CUX1: variants seen among roughly 807,000 people sequenced by gnomAD.
CUX1 encodes the protein protein CASP.
A neutral mutation model predicts 158.8 loss-of-function variants in CUX1; 31 were observed. The observed-to-expected ratio is 0.20, with a 90% CI of 0.15 to 0.26. CUX1 has a LOEUF of 0.26. CUX1 is among the 10% of genes least tolerant of loss of function. The pLI is 1.00. For synonymous variants in CUX1, 879 were observed against 862.1 expected, an observed-to-expected ratio of 1.02 and a Z score of -0.34; for missense variants, 1,589 against 2,014.6, an observed-to-expected ratio of 0.79 and a Z score of 4.04.
chr7:101,863,352 T>TC (rs1797653032), intron 1 of CUX1, among the ~76,000 whole-genome samples: 1 of 150,500 alleles, frequency 6.6e-6, no homozygotes, highest in East Asian at 1.9e-4. Flanking sequence ...TTTTTTTTTT[T>TC]TTCTTCTTTT....
intron 3 of CUX1, among the ~76,000 whole-genome samples, chr7:102,069,244 C>T (rs568330221): frequency 1.1e-3 from 166 of 152,320 alleles, no homozygotes; most frequent in African/African-American, 3.9e-3. Flanking sequence ...GAGGGTCTCC[C>T]TGCACCATGC....
At chr7:102,130,423 G>A (rs782472163) in intron 8 of CUX1, among the ~76,000 whole-genome samples, 11 of 152,204 alleles carry the variant, frequency 7.2e-5, no homozygotes, top group African/African-American at 1.2e-4. Context: ...GCTCACACCT[G>A]TAACTCCATC....
At position 102,273,608 on chromosome 7, in the gene CUX1, A is replaced by G. The variant is rs1791392166; in HGVS notation, c.1383+115A>G. The G allele has an allele frequency of 3.9e-6, 5 of 1,297,060 alleles. No individual in the cohort carries two copies. In the East Asian group the frequency reaches 1.2e-4, roughly 31 times the overall value. The allele number at this position is 1,297,060 out of a possible 1,614,324, so 80.3% of individuals were successfully genotyped here. On this transcript the variant is annotated intron_variant, in intron 15 of 22. Coordinates refer to the CUX1 transcript ENST00000292538. ...TATCAGGCAGCTGGTGACAACCCAG[A>G]AGGGCTGTCACCTAAAACCATTGGG...
intron 2 of CUX1, among the ~76,000 whole-genome samples, chr7:101,950,857 T>C (rs1043065870): frequency 6.6e-6 from 1 of 152,190 alleles, no homozygotes; most frequent in Non-Finnish European, 1.5e-5. Flanking sequence ...ATTTACTATC[T>C]GACCCTTTCC....
Position 102,091,362 on chromosome 7 carries a change from G to A in CUX1, c.269-6002G>A, listed in dbSNP as rs138314001. Among the ~76,000 whole-genome samples the A allele has an allele frequency of 7.3e-5, 11 of 151,688 alleles. No individual in the cohort carries two copies. The East Asian group carries it at 1.7e-3, about 24-fold the overall frequency. On this transcript the variant is annotated intron_variant, in intron 4 of 23. Transcript: ENST00000292535. Reference sequence around the variant, plus strand: ...CTCTCTGTTTTGAGGACAGGGTCTCGCTCTGTTGCTGAGGCTGGAGTACAG... The same window carrying A: ...CTCTCTGTTTTGAGGACAGGGTCTCACTCTGTTGCTGAGGCTGGAGTACAG...
At chr7:101,950,074 G>A (rs191228195) in intron 2 of CUX1, among the ~76,000 whole-genome samples, 66 of 152,098 alleles carry the variant, frequency 4.3e-4, no homozygotes, top group Non-Finnish European at 8.4e-4. Context: ...ATGCTGGCGC[G>A]ATCTCAGCTC....
rs576938817 is a variant in CUX1 at position 101,919,549 on chromosome 7, A to G, written c.141+3324A>G. Among the ~76,000 whole-genome samples the G allele has an allele frequency of 2.3e-4, 35 of 152,338 alleles. 1 individual carries two copies. The highest frequency in any genetic ancestry group is 7.5e-4 in the African/African-American group (31 of 41,578). On this transcript the variant is annotated intron_variant, in intron 2 of 23. Coordinates refer to ENST00000292535, the MANE Select transcript of CUX1 (RefSeq NM_181552.4). The stretch of plus-strand genomic sequence containing the variant: ...CATGGCAACATACCTTCCAGGGCAC[A>G]GCGTGGCAGAGCCAGGGCTGGTGGT...
chr7:102,200,171 T>C lies in CUX1; in HGVS notation c.2061T>C (p.Thr687=). The C allele has an allele frequency of 6.2e-7, 1 of 1,607,246 alleles. No homozygotes were observed. The highest frequency in any genetic ancestry group is 8.5e-7 in the Non-Finnish European group (1 of 1,176,982). The change falls in exon 17 of 24, where the codon ACT becomes ACC. Residue 687 remains threonine, a splice_region_variant and synonymous_variant. Transcript: ENST00000292535. ...QAKRELQVQK[T]AEPAQPSSAS... is the part of the protein sequence containing the mutation. ...AGAGGGAGCTCCAAGTGCAGAAAAC[T>C]GGTACAGCTTCCATTTCTTCATCCA... is the stretch of plus-strand genomic sequence containing the variant.
intron 2 of CUX1, among the ~76,000 whole-genome samples, chr7:101,997,465 T>C (rs1313536209): frequency 6.6e-6 from 1 of 151,272 alleles, no homozygotes; most frequent in Non-Finnish European, 1.5e-5. Context: ...TGCCCCAGCC[T>C]CCCGAATAGC....
At chr7:102,273,631 G>A in intron 15 of CUX1, 1 of 1,107,796 alleles carries the variant, frequency 9.0e-7, no homozygotes, top group Non-Finnish European at 1.3e-6. Flanking sequence ...TAAAACCATT[G>A]GGTTCTCCCT....
At position 102,185,373 on chromosome 7, in the gene CUX1, G is replaced by A. The variant is rs150333536; in HGVS notation, c.1018-4440G>A. Among the ~76,000 whole-genome samples the A allele has an allele frequency of 5.5e-3, 830 of 152,222 alleles. 3 individuals are homozygous for A. The highest frequency in any genetic ancestry group is 7.2e-3 in the Non-Finnish European group (491 of 68,020). ...CCATTTTATAGATAAGGAAACTGAG[G>A]CTTGGAGAAGTCAAGTCTGGGTGGG... On this transcript the variant is annotated intron_variant, in intron 11 of 23. Coordinates refer to ENST00000292535, the MANE Select transcript of CUX1 (RefSeq NM_181552.4).
downstream of CUX1, among the ~76,000 whole-genome samples, chr7:102,259,325 C>T (rs59860440): frequency 0.26 from 40,170 of 152,056 alleles, 5,783 homozygotes; most frequent in Non-Finnish European, 0.33. Context: ...CAGTGGCTCA[C>T]GCCTGTAATC....
rs1403517767 is a variant in CUX1 at position 102,256,465 on chromosome 7, C to T, written c.*7423C>T. 4 of 985,276 alleles carry T rather than the reference C, an allele frequency of 4.1e-6. No individual in the cohort carries two copies. The African/African-American group carries it at 7.0e-5, about 17-fold the overall frequency. The allele number at this position is 985,276 out of a possible 1,614,324, so 61.0% of individuals were successfully genotyped here. A position where few individuals can be genotyped will look rare whatever the true frequency, so the allele number is the denominator to read the frequency against. On this transcript the variant is annotated 3_prime_UTR_variant, in exon 24 of 24. Transcript: ENST00000292535. ...ACTATCCTCTGCCTTCCTCTCCTCC[C>T]CTACTCCCCCAGAGAACCAAGGCGT...
chr7:102,155,440 G>A (rs944987457), intron 8 of CUX1, among the ~76,000 whole-genome samples: 7 of 151,842 alleles, frequency 4.6e-5, no homozygotes, highest in African/African-American at 1.7e-4. Context: ...CAGCTACTCT[G>A]GAGGCTGAAG....
At chr7:101,919,208 G>T (rs1265221826) in intron 2 of CUX1, among the ~76,000 whole-genome samples, 1 of 151,774 alleles carries the variant, frequency 6.6e-6, no homozygotes, top group Non-Finnish European at 1.5e-5. Context: ...GTGTGTGTGT[G>T]TGGGGGGGGA....
chr7:102,229,611 CTT>C (rs781991747), intron 21 of CUX1, among the ~76,000 whole-genome samples: 120 of 70,002 alleles, frequency 1.7e-3, no homozygotes, highest in African/African-American at 8.1e-3. Context: ...CGTGTCTGGC[CTT>C]TTTTTTTTTT....
chr7:102,140,514 A>G (rs1834327136), intron 8 of CUX1, among the ~76,000 whole-genome samples: 1 of 151,374 alleles, frequency 6.6e-6, no homozygotes, highest in East Asian at 2.0e-4. Context: ...CCAAAGTGCT[A>G]GGATTACAGG....
intron 20 of CUX1, among the ~76,000 whole-genome samples, chr7:102,223,342 C>T (rs140009445): frequency 2.0e-5 from 3 of 152,166 alleles, no homozygotes; most frequent in Admixed American, 6.5e-5. Flanking sequence ...CTGTCGCCAG[C>T]GTCCCTGTCA....
At chr7:102,174,101 G>C (rs1318867130) in intron 10 of CUX1, among the ~76,000 whole-genome samples, 3 of 152,008 alleles carry the variant, frequency 2.0e-5, no homozygotes, top group African/African-American at 7.2e-5. Flanking sequence ...GCCATGCTGG[G>C]CTTTGCATAG....
Sources: gnomAD v4.1 joint callset for allele counts (sites outside exome capture counted in the v4.1 genomes callset) on GRCh38, gnomAD v4.1.1 for gene constraint, MANE v1.5 for transcripts, NCBI Gene and HGNC (gene_info 2026-07-23, HGNC 2026-07-21) for gene names.